EIF4ENIF1: variants seen among roughly 807,000 people sequenced by gnomAD.
The protein encoded by EIF4ENIF1 is eukaryotic translation initiation factor 4E nuclear import factor 1.
EIF4ENIF1 carries 23 observed loss-of-function variants against 110.5 expected under a neutral mutation model. The observed-to-expected ratio is 0.21, with a 90% CI of 0.15 to 0.29. The LOEUF (loss-of-function observed/expected upper bound fraction) is 0.29, where lower values mean the gene tolerates loss of function less well. Ranked by LOEUF, EIF4ENIF1 falls within the 10% of genes least tolerant of loss-of-function variation. EIF4ENIF1 has a pLI of 1.00. For missense variants in EIF4ENIF1, 1,031 were observed against 1,221.1 expected, an observed-to-expected ratio of 0.84 and a Z score of 2.32; for synonymous variants, 440 against 437.0, an observed-to-expected ratio of 1.01 and a Z score of -0.09.
At chr22:31,483,758 C>A (rs1394993530) in intron 2 of EIF4ENIF1, among the ~76,000 whole-genome samples, 2 of 152,126 alleles carry the variant, frequency 1.3e-5, no homozygotes, top group Non-Finnish European at 2.9e-5. Flanking sequence ...CACTCTATAA[C>A]CTCCAAAAGT....
chr22:31,472,290 A>G (rs1381759695), intron 2 of EIF4ENIF1, among the ~76,000 whole-genome samples: 2 of 138,930 alleles, frequency 1.4e-5, no homozygotes, highest in Non-Finnish European at 3.1e-5. Flanking sequence ...TTTTTTTTAC[A>G]TGGAATCTCA....
chr22:31,459,585 A>T (rs1367049164), intron 6 of EIF4ENIF1, among the ~76,000 whole-genome samples: 2 of 151,966 alleles, frequency 1.3e-5, no homozygotes, highest in Non-Finnish European at 2.9e-5. Context: ...TATAATAGTA[A>T]CTCTCTGGTG....
chr22:31,463,795 A>G lies in EIF4ENIF1; in HGVS notation c.471T>C (p.Ser157=). The stretch of plus-strand genomic sequence containing the variant: ...AGGTCCGGGCAGAGATTATCCTCCC[A>G]CTGCCAATCCTACGTCCACCAAGCA... ...LRLLGGRRIG[S]GRIISARTFE... The change falls in exon 5 of 19, where the codon AGT becomes AGC. Residue 157 remains serine, a synonymous_variant. Transcript: ENST00000330125. 6.2e-7 allele frequency: 1 copy of G among 1,613,680 alleles called. No individual in the cohort carries two copies. The highest frequency in any genetic ancestry group is 8.5e-7 in the Non-Finnish European group (1 of 1,179,986).
Position 31,439,672 on chromosome 22 carries a change from T to C in EIF4ENIF1, c.*208A>G. On this transcript the variant is annotated 3_prime_UTR_variant, in exon 19 of 19. Coordinates refer to ENST00000330125, the MANE Select transcript of EIF4ENIF1 (RefSeq NM_019843.4). ...ACCATTTCCAGGATTGACAACATTG[T>C]GCATCCTGTATTCAGACAATGTACA... 1 of 645,516 alleles carries C rather than the reference T, an allele frequency of 1.5e-6. No homozygotes were observed. The highest frequency in any genetic ancestry group is 3.0e-5 in the East Asian group (1 of 33,610). 40.0% of individuals were successfully genotyped at this position (645,516 alleles called of 1,614,324 possible). A position where few individuals can be genotyped will look rare whatever the true frequency, so the allele number is the denominator to read the frequency against.
intron 2 of EIF4ENIF1, among the ~76,000 whole-genome samples, chr22:31,474,224 A>T (rs927828746): frequency 6.6e-6 from 1 of 151,564 alleles, no homozygotes; most frequent in Non-Finnish European, 1.5e-5. Flanking sequence ...TGGCTGGCTA[A>T]TTTTTTTTGT....
At chr22:31,471,734 T>G (rs2051387306) in intron 3 of EIF4ENIF1, 110 bp downstream of exon 3, 1 of 982,840 alleles carries the variant, frequency 1.0e-6, no homozygotes, top group African/African-American at 1.7e-5. Context: ...CCTCTTTCAC[T>G]TATAATTCTA....
chr22:31,493,127 G>C (rs1569118178), upstream of EIF4ENIF1, among the ~76,000 whole-genome samples: 1 of 147,030 alleles, frequency 6.8e-6, no homozygotes, highest in African/African-American at 2.5e-5. Context: ...TCTGCCCCCT[G>C]GGTTCAGGCC....
At chr22:31,492,936 T>C (rs1031828845), upstream of EIF4ENIF1, among the ~76,000 whole-genome samples, 2 of 151,966 alleles carry the variant, frequency 1.3e-5, no homozygotes, top group Non-Finnish European at 2.9e-5. Flanking sequence ...TTCACCATGT[T>C]GGTCAGGCTG....
chr22:31,443,958 G>A (rs772367925), intron 15 of EIF4ENIF1, among the ~76,000 whole-genome samples: 3 of 151,802 alleles, frequency 2.0e-5, no homozygotes, highest in African/African-American at 4.8e-5. Context: ...CACCATGCCC[G>A]ACTAATTTTT....
At chr22:31,446,137 T>A (rs112704033) in intron 14 of EIF4ENIF1, among the ~76,000 whole-genome samples, 2,093 of 151,532 alleles carry the variant, frequency 0.014, 55 homozygotes, top group African/African-American at 0.048. Context: ...TACAAAAAAC[T>A]AGCCGGGTGT....
chr22:31,486,248 C>T (rs1317053056), intron 2 of EIF4ENIF1, among the ~76,000 whole-genome samples: 3 of 150,074 alleles, frequency 2.0e-5, no homozygotes, highest in Non-Finnish European at 4.4e-5. Flanking sequence ...CCAGCCTCGG[C>T]GACAAGAGCG....
Position 31,463,744 on chromosome 22 carries a change from A to G in EIF4ENIF1, c.522T>C (p.Asp174=). 2 of 1,613,414 alleles carry G rather than the reference A, an allele frequency of 1.2e-6. No individual in the cohort carries two copies. The highest frequency in any genetic ancestry group is 1.3e-5 in the African/African-American group (1 of 74,820). The change falls in exon 5 of 19, where the codon GAT becomes GAC. Residue 174 remains aspartate (D), a synonymous_variant. Transcript: ENST00000330125. ...RTFEKDHRLS[D]KDLRDLRDRD... ...TGTCTCTCAAGTCCCGCAGGTCCTT[A>G]TCGCTAAGACGGTGATCCTTCTCAA... is the stretch of plus-strand genomic sequence containing the variant.
chr22:31,442,227 C>A, intron 16 of EIF4ENIF1, 109 bp from the exon 17 acceptor site: 3 of 871,462 alleles, frequency 3.4e-6, no homozygotes, highest in African/African-American at 1.7e-5. Flanking sequence ...TTATCTGATA[C>A]CCTTAACAAG....
At chr22:31,465,335 A>C (rs964714998) in intron 4 of EIF4ENIF1, among the ~76,000 whole-genome samples, 3 of 152,056 alleles carry the variant, frequency 2.0e-5, no homozygotes, top group Non-Finnish European at 2.9e-5. Context: ...AAAAAAAAAA[A>C]AAAAAACCAA....
intron 10 of EIF4ENIF1, chr22:31,450,783 CACAT>C (rs1437676743): frequency 2.2e-5 from 5 of 225,932 alleles, no homozygotes; most frequent in Non-Finnish European, 3.6e-5. Flanking sequence ...TATATACACA[CACAT>C]ATACACATAT....
intron 16 of EIF4ENIF1, 113 bp downstream of exon 16, chr22:31,442,849 G>C (rs1326932739): frequency 2.2e-6 from 3 of 1,355,490 alleles, no homozygotes; most frequent in African/African-American, 2.9e-5. Context: ...GTCCAGAGAA[G>C]CTAGTGGTCT....
intron 3 of EIF4ENIF1, among the ~76,000 whole-genome samples, chr22:31,469,410 G>A (rs1177873481): frequency 1.3e-5 from 2 of 152,176 alleles, no homozygotes; most frequent in Non-Finnish European, 2.9e-5. Flanking sequence ...TGAAGCCACG[G>A]AATATTTTAT....
rs201253240 is a variant in EIF4ENIF1 at position 31,458,577 on chromosome 22, A to G, written c.861T>C (p.Ala287=). 1.2e-5 allele frequency: 19 copies of G among 1,613,710 alleles called. No homozygotes were observed. Among genetic ancestry groups the G allele is most frequent in the Middle Eastern group, 1.6e-4 (1 of 6,082 alleles). The part of the protein sequence containing the change: ...VEVILAQEPA[A]DQEVPRDAVL... ...CAGCATCCCTTGGCACTTCCTGATC[A>G]GCCGCAGGCTCCTGTGCAAGGATGA... is the stretch of plus-strand genomic sequence containing the variant. The change falls in exon 7 of 19, where the codon GCT becomes GCC. Residue 287 remains alanine, a synonymous_variant. Coordinates refer to ENST00000330125, the MANE Select transcript of EIF4ENIF1 (RefSeq NM_019843.4).
At chr22:31,464,693 AAAAAAAATAT>A (rs1357585926) in intron 4 of EIF4ENIF1, among the ~76,000 whole-genome samples, 1 of 52,788 alleles carries the variant, frequency 1.9e-5, no homozygotes, top group East Asian at 4.6e-4. Context: ...AAAAAAAAAA[AAAAAAAATAT>A]ATATATATAT....
Sources: gnomAD v4.1 joint callset for allele counts (sites outside exome capture counted in the v4.1 genomes callset) on GRCh38, gnomAD v4.1.1 for gene constraint, MANE v1.5 for transcripts, NCBI Gene and HGNC (gene_info 2026-07-23, HGNC 2026-07-21) for gene names.